B3GALT1: variants seen among roughly 807,000 people sequenced by gnomAD.
B3GALT1 encodes beta-1,3-galactosyltransferase 1.
A neutral mutation model predicts 23.2 loss-of-function variants in B3GALT1; 10 were observed. That is an observed-to-expected ratio of 0.43 (90% CI 0.27 to 0.73). B3GALT1 has a LOEUF of 0.73. Among genes scored for constraint, B3GALT1 ranks in the 30% least tolerant of loss-of-function variants. The pLI is 0.21. For missense variants in B3GALT1, 299 were observed against 405.4 expected (o/e 0.74, Z 2.25); for synonymous variants, 156 against 141.5 (o/e 1.10, Z -0.73).
chr2:167,397,537 C>T (rs1464871628), intron 1 of B3GALT1, among the ~76,000 whole-genome samples: 6 of 152,072 alleles, frequency 3.9e-5, no homozygotes, highest in African/African-American at 1.2e-4. Flanking sequence ...CTGACCAACC[C>T]TGAATGTAAA....
chr2:167,376,330 G>A (rs767189190), intron 1 of B3GALT1, among the ~76,000 whole-genome samples: 17 of 152,050 alleles, frequency 1.1e-4, no homozygotes, highest in Non-Finnish European at 2.4e-4. Flanking sequence ...TCTTTGCTAA[G>A]TTTTGTTGTC....
intron 1 of B3GALT1, among the ~76,000 whole-genome samples, chr2:167,466,022 A>AG (rs2105328160): frequency 6.6e-6 from 1 of 152,278 alleles, no homozygotes; most frequent in African/African-American, 2.4e-5. Context: ...CTTAAAGGCA[A>AG]GGAAACACAT....
intron 3 of B3GALT1, chr2:167,814,624 G>C (rs1688956585): frequency 6.6e-6 from 1 of 152,202 alleles, no homozygotes; most frequent in Non-Finnish European, 1.5e-5. Flanking sequence ...CAGGCTTGGT[G>C]GTACACACCT....
intron 1 of B3GALT1, among the ~76,000 whole-genome samples, chr2:167,310,773 GA>G (rs1386236149): frequency 1.3e-5 from 2 of 151,666 alleles, no homozygotes; most frequent in African/African-American, 2.4e-5. Context: ...TTGATAACAA[GA>G]AAAAAAAGAA....
intron 2 of B3GALT1, among the ~76,000 whole-genome samples, chr2:167,564,774 A>C (rs983553280): frequency 5.9e-5 from 9 of 152,356 alleles, no homozygotes; most frequent in Non-Finnish European, 1.3e-4. Context: ...AAAGAGAATA[A>C]AATACCTAGG....
intron 1 of B3GALT1, among the ~76,000 whole-genome samples, chr2:167,377,171 A>G (rs1396461605): frequency 6.6e-6 from 1 of 152,008 alleles, no homozygotes; most frequent in Non-Finnish European, 1.5e-5. Flanking sequence ...ATTGATTTAT[A>G]TTTTCATTCC....
intron 3 of B3GALT1, among the ~76,000 whole-genome samples, chr2:167,700,502 G>A (rs1450129797): frequency 2.0e-5 from 3 of 152,108 alleles, no homozygotes; most frequent in African/African-American, 7.2e-5. Flanking sequence ...CTTAGAAAAT[G>A]TGCATTTTCT....
At chr2:167,713,737 C>T in intron 3 of B3GALT1, 2 of 1,571,158 alleles carry the variant, frequency 1.3e-6, no homozygotes, top group Non-Finnish European at 1.8e-6. Flanking sequence ...CTTGCTTCTA[C>T]CTTCAGAATG....
At position 167,807,467 on chromosome 2, in the gene B3GALT1, C is replaced by G. The variant is rs529329263; in HGVS notation, c.-351-11205C>G. Among the ~76,000 whole-genome samples the G allele has an allele frequency of 2.0e-5, 3 of 152,004 alleles. 1 individual carries two copies. Among genetic ancestry groups the G allele is most frequent in the African/African-American group, 7.2e-5 (3 of 41,458 alleles). ...GTGGGCATTTAGTGCTATAAATTTC[C>G]CTCTACACACTGCTTTGAATGTGTC... is the stretch of plus-strand genomic sequence containing the variant. On this transcript the variant is annotated intron_variant, in intron 3 of 4. Transcript: ENST00000392690.
intron 1 of B3GALT1, among the ~76,000 whole-genome samples, chr2:167,352,143 T>A (rs1194030269): frequency 6.7e-6 from 1 of 148,646 alleles, no homozygotes; most frequent in African/African-American, 2.5e-5. Flanking sequence ...TTTTTTTTTG[T>A]ATTTTCGTAG....
chr2:167,366,746 T>C, intron 1 of B3GALT1, among the ~76,000 whole-genome samples: 1 of 152,214 alleles, frequency 6.6e-6, no homozygotes, highest in East Asian at 1.9e-4. Flanking sequence ...GAGGATCCAC[T>C]CATAAGGTTA....
chr2:167,737,342 T>C (rs1687509280), intron 3 of B3GALT1, among the ~76,000 whole-genome samples: 2 of 152,256 alleles, frequency 1.3e-5, no homozygotes, highest in Admixed American at 1.3e-4. Context: ...AATCCAGGTG[T>C]TTCTGACTAC....
At chr2:167,696,860 A>G (rs529591003) in intron 3 of B3GALT1, among the ~76,000 whole-genome samples, 1 of 152,306 alleles carries the variant, frequency 6.6e-6, no homozygotes, top group South Asian at 2.1e-4. Flanking sequence ...GATTGATTTA[A>G]TCTGAGTTTG....
chr2:167,578,981 G>C (rs896587373), intron 2 of B3GALT1, among the ~76,000 whole-genome samples: 4 of 152,082 alleles, frequency 2.6e-5, no homozygotes, highest in Admixed American at 2.6e-4. Context: ...AAAAGAGGAA[G>C]ATACAAAAGG....
chr2:167,771,311 C>G (rs1463095114), intron 3 of B3GALT1, among the ~76,000 whole-genome samples: 2 of 152,098 alleles, frequency 1.3e-5, no homozygotes, highest in Non-Finnish European at 2.9e-5. Flanking sequence ...TCAAGTAGGC[C>G]GTGTGCAGTG....
intron 3 of B3GALT1, among the ~76,000 whole-genome samples, chr2:167,797,973 G>A (rs1474557695): frequency 6.6e-6 from 1 of 152,144 alleles, no homozygotes; most frequent in Non-Finnish European, 1.5e-5. Flanking sequence ...CAAAATGCTG[G>A]TATTACAGGC....
intron 2 of B3GALT1, among the ~76,000 whole-genome samples, chr2:167,521,669 A>G (rs543990134): frequency 1.8e-4 from 27 of 152,096 alleles, no homozygotes; most frequent in African/African-American, 6.5e-4. Flanking sequence ...CCTTTCCTAA[A>G]TCATTCAAAT....
chr2:167,446,489 T>C (rs183838253), intron 1 of B3GALT1, among the ~76,000 whole-genome samples: 2 of 152,338 alleles, frequency 1.3e-5, no homozygotes, highest in Non-Finnish European at 2.9e-5. Flanking sequence ...TCCCTGTCAC[T>C]CTCAGGTACA....
chr2:167,689,140 CAA>C (rs35745682), intron 3 of B3GALT1, among the ~76,000 whole-genome samples: 87,323 of 137,432 alleles, frequency 0.64, 28,647 homozygotes, highest in Non-Finnish European at 0.74. Flanking sequence ...CCAAAAAGAC[CAA>C]AAAAAAAAAA....
Sources: gnomAD v4.1 joint callset for allele counts (sites outside exome capture counted in the v4.1 genomes callset) on GRCh38, gnomAD v4.1.1 for gene constraint, MANE v1.5 for transcripts, NCBI Gene and HGNC (gene_info 2026-07-23, HGNC 2026-07-21) for gene names.